Variants in ANKH observed in about 807,000 individuals in gnomAD.
ANKH encodes mineralization regulator ANKH.
Under a neutral mutation model 49.0 loss-of-function variants are expected in ANKH, and 15 were observed. That is an observed-to-expected ratio of 0.31 (90% CI 0.20 to 0.47). The LOEUF is 0.47. Ranked by LOEUF, ANKH falls within the 20% of genes least tolerant of loss-of-function variation. The pLI is 1.00. For synonymous variants in ANKH, 273 were observed against 260.0 expected, an observed-to-expected ratio of 1.05 and a Z score of -0.48; for missense variants, 429 against 652.0, an observed-to-expected ratio of 0.66 and a Z score of 3.72.
intron 1 of ANKH, among the ~76,000 whole-genome samples, chr5:14,806,801 C>A (rs1215789842): frequency 1.3e-5 from 2 of 152,238 alleles, no homozygotes; most frequent in African/African-American, 4.8e-5. Flanking sequence ...CAATGAATCT[C>A]TGAACTGATG....
rs1257045215 is a variant in ANKH at position 14,706,940 on chromosome 5, A to C, written c.*4257T>G. ...GAGCTGCTGGCTTTGAACCGGCTGA[A>C]TGTGCAATGCAGACATCTCAACACT... On this transcript the variant is annotated 3_prime_UTR_variant, in exon 12 of 12. Coordinates refer to ENST00000284268, the MANE Select transcript of ANKH (RefSeq NM_054027.6). 3 of 152,224 alleles carry C rather than the reference A, an allele frequency of 2.0e-5. No individual in the cohort carries two copies. Among genetic ancestry groups the C allele is most frequent in the Non-Finnish European group, 4.4e-5 (3 of 68,048 alleles). 9.4% of individuals were successfully genotyped at this position (152,224 alleles called of 1,614,324 possible).
chr5:14,773,658 T>C, intron 1 of ANKH, among the ~76,000 whole-genome samples: 1 of 152,320 alleles, frequency 6.6e-6, no homozygotes, highest in Non-Finnish European at 1.5e-5. Context: ...AAAATACTTA[T>C]TCTCCCTAAA....
At chr5:14,857,115 T>G (rs13155894) in intron 1 of ANKH, among the ~76,000 whole-genome samples, 94,911 of 151,778 alleles carry the variant, frequency 0.63, 30,165 homozygotes, top group East Asian at 0.84. Context: ...CTAAACACAT[T>G]TGCAGTACAT....
intron 1 of ANKH, among the ~76,000 whole-genome samples, chr5:14,835,460 A>G (rs1267055184): frequency 6.6e-6 from 1 of 152,118 alleles, no homozygotes; most frequent in East Asian, 1.9e-4. Flanking sequence ...ATCTTTCCAG[A>G]CATCTCAGTG....
rs540964010 is a variant in ANKH, at chr5:14,827,173, G to A, written c.96+44179C>T. ...CCAGTCCATGGCTTCTTCTTTCCGC[G>A]TGACTCTGACATACTCCTGTTAACA... On this transcript the variant is annotated intron_variant, in intron 1 of 11. Coordinates refer to ENST00000284268, the MANE Select transcript of ANKH (RefSeq NM_054027.6). 2.6e-4 allele frequency among the ~76,000 whole-genome samples: 40 copies of A among 152,264 alleles called. No individual in the cohort carries two copies. The East Asian group carries it at 5.0e-3, about 19-fold the overall frequency.
At chr5:14,757,399 G>A (rs1738922408) in intron 3 of ANKH, among the ~76,000 whole-genome samples, 1 of 136,048 alleles carries the variant, frequency 7.4e-6, no homozygotes, top group African/African-American at 2.9e-5. Context: ...TTCCAGCATT[G>A]GACCTTATTG....
rs923826864 is a variant in ANKH at position 14,707,932 on chromosome 5, A to G, written c.*3265T>C. The G allele has an allele frequency of 3.3e-5, 5 of 152,172 alleles. No individual in the cohort carries two copies. The highest frequency in any genetic ancestry group is 7.4e-5 in the Non-Finnish European group (5 of 68,008). The allele number at this position is 152,172 out of a possible 1,614,324, so 9.4% of individuals were successfully genotyped here. On this transcript the variant is annotated 3_prime_UTR_variant, in exon 12 of 12. Transcript: ENST00000284268. Reference sequence around the variant, plus strand: ...GGGGATGACTGTTTTTTACCCAGAAATGCAAACAAGTGGCCTTCTGTGCCC... The same window carrying G: ...GGGGATGACTGTTTTTTACCCAGAAGTGCAAACAAGTGGCCTTCTGTGCCC...
rs1398446110 is a variant in ANKH at position 14,706,105 on chromosome 5, GC to G, written c.*5091del. The G allele has an allele frequency of 3.3e-5, 5 of 152,176 alleles. No individual in the cohort carries two copies. Among genetic ancestry groups the G allele is most frequent in the African/African-American group, 1.2e-4 (5 of 41,438 alleles). The allele number at this position is 152,176 out of a possible 1,614,324, so 9.4% of individuals were successfully genotyped here. The stretch of plus-strand genomic sequence containing the variant: ...TTAAACTCTTGGAGAGAGAAAGGGT[GC>G]CTAGTTCTTGTGTGCTTTTGTTTAC... On this transcript the variant is annotated 3_prime_UTR_variant, in exon 12 of 12. Transcript: ENST00000284268.
At chr5:14,815,559 G>A (rs1402844063) in intron 1 of ANKH, among the ~76,000 whole-genome samples, 1 of 152,166 alleles carries the variant, frequency 6.6e-6, no homozygotes, top group Non-Finnish European at 1.5e-5. Context: ...GGAACCCCAT[G>A]GTTTCTACAC....
chr5:14,787,997 C>T (rs2126539366), intron 1 of ANKH: 1 of 152,264 alleles, frequency 6.6e-6, no homozygotes, highest in South Asian at 2.1e-4. Flanking sequence ...GACTTCAGCA[C>T]CTAAATCATG....
At chr5:14,857,009 C>T (rs1486662016) in intron 1 of ANKH, among the ~76,000 whole-genome samples, 7 of 152,296 alleles carry the variant, frequency 4.6e-5, no homozygotes, top group East Asian at 1.9e-4. Flanking sequence ...TGAAAGAAAG[C>T]GCTTTTCTCT....
intron 1 of ANKH, among the ~76,000 whole-genome samples, chr5:14,864,557 T>C (rs185572370): frequency 1.0e-3 from 157 of 152,320 alleles, no homozygotes; most frequent in African/African-American, 3.8e-3. Flanking sequence ...ATATGGACTG[T>C]AAGAAAGGCA....
chr5:14,747,361 C>T (rs1356005147), intron 6 of ANKH, among the ~76,000 whole-genome samples: 1 of 152,180 alleles, frequency 6.6e-6, no homozygotes, highest in Non-Finnish European at 1.5e-5. Flanking sequence ...TGGAGAATTG[C>T]TTGAGCCTGG....
intron 8 of ANKH, among the ~76,000 whole-genome samples, chr5:14,727,314 C>T (rs1468901700): frequency 6.6e-6 from 1 of 152,060 alleles, no homozygotes; most frequent in African/African-American, 2.4e-5. Context: ...ACTGTTACAG[C>T]ATATTCACGG....
At chr5:14,797,112 T>A in intron 1 of ANKH, 1 of 1,351,618 alleles carries the variant, frequency 7.4e-7, no homozygotes, top group Non-Finnish European at 1.0e-6. Flanking sequence ...TCACAAGAAG[T>A]AAAGACATAT....
intron 1 of ANKH, among the ~76,000 whole-genome samples, chr5:14,860,492 A>G (rs1206355944): frequency 1.3e-5 from 2 of 152,202 alleles, no homozygotes; most frequent in African/African-American, 4.8e-5. Context: ...TAAACCATTT[A>G]AAGCACTAAG....
At chr5:14,793,013 TATATATAA>T (rs1322628242) in intron 1 of ANKH, among the ~76,000 whole-genome samples, 1 of 67,306 alleles carries the variant, frequency 1.5e-5, no homozygotes, top group African/African-American at 6.2e-5. Flanking sequence ...TATAAATATA[TATATATAA>T]ATATATATAT....
rs375545596 is a variant in ANKH at position 14,871,462 on chromosome 5, G to A, written c.-15C>T. The A allele has an allele frequency of 3.8e-5, 61 of 1,607,314 alleles. No individual in the cohort carries two copies. The highest frequency in any genetic ancestry group is 5.0e-5 in the Non-Finnish European group (59 of 1,175,376). ...AATTTCACCATAGTCCCCGCCGTGG[G>A]CTGACCCCACACACATCTGCTGCCG... is the stretch of plus-strand genomic sequence containing the variant. On this transcript the variant is annotated 5_prime_UTR_variant, in exon 1 of 12. Coordinates refer to ENST00000284268, the MANE Select transcript of ANKH (RefSeq NM_054027.6).
intron 1 of ANKH, among the ~76,000 whole-genome samples, chr5:14,812,014 A>G (rs756698624): frequency 5.3e-5 from 8 of 151,646 alleles, no homozygotes; most frequent in Non-Finnish European, 1.2e-4. Flanking sequence ...TCATGGTACT[A>G]TCATAGTCCA....
Sources: allele counts gnomAD v4.1 joint callset (sites outside exome capture counted in the v4.1 genomes callset), GRCh38; gene constraint gnomAD v4.1.1; transcripts MANE v1.5; gene names NCBI Gene and HGNC (gene_info 2026-07-23, HGNC 2026-07-21).